Variants in PAK1 observed in about 807,000 individuals in gnomAD.
The protein encoded by PAK1 is p21 (RAC1) activated kinase 1, also known as serine/threonine-protein kinase PAK 1.
PAK1 carries 29 observed loss-of-function variants against 67.4 expected under a neutral mutation model. The ratio of observed to expected loss-of-function variants is 0.43; its 90% CI spans 0.32 to 0.59. The LOEUF (loss-of-function observed/expected upper bound fraction) is 0.59, where lower values mean the gene tolerates loss of function less well. PAK1 is among the 20% of genes least tolerant of loss of function. The pLI is 0.07. For missense variants in PAK1, 337 were observed against 670.7 expected (o/e 0.50, Z 5.50); for synonymous variants, 223 against 237.4 (o/e 0.94, Z 0.56).
chr11:77,501,005 G>A, the PAK1 span, among the ~76,000 whole-genome samples: 1 of 151,912 alleles, frequency 6.6e-6, no homozygotes, highest in African/African-American at 2.4e-5. Flanking sequence ...CGGGTAATTA[G>A]CCGGGCGTGG....
intron 1 of PAK1, among the ~76,000 whole-genome samples, chr11:77,442,746 T>C (rs1035988562): frequency 6.6e-5 from 10 of 152,294 alleles, no homozygotes; most frequent in South Asian, 2.1e-4. Context: ...CAACAATAGA[T>C]AACTAATACA....
At chr11:77,337,268 A>G (rs1372750681) in intron 12 of PAK1, 56 bp downstream of exon 12, 4 of 848,752 alleles carry the variant, frequency 4.7e-6, no homozygotes, top group Non-Finnish European at 5.8e-6. Flanking sequence ...ACCATCTCAC[A>G]GGAGACAGGG....
At chr11:77,384,854 C>A (rs1011312623) in intron 2 of PAK1, among the ~76,000 whole-genome samples, 3 of 151,806 alleles carry the variant, frequency 2.0e-5, no homozygotes, top group African/African-American at 7.3e-5. Context: ...CTAAAAACCA[C>A]GGAATTGTAC....
the PAK1 span, among the ~76,000 whole-genome samples, chr11:77,528,591 C>T: frequency 6.6e-6 from 1 of 152,168 alleles, no homozygotes; most frequent in Admixed American, 6.5e-5. Context: ...GCAATCCTCC[C>T]ACCTAGGCCT....
chr11:77,381,667 T>C (rs1367686445), intron 2 of PAK1, among the ~76,000 whole-genome samples: 3 of 152,226 alleles, frequency 2.0e-5, no homozygotes, highest in Non-Finnish European at 4.4e-5. Flanking sequence ...AAGATAGATA[T>C]TACTACCGTC....
intron 1 of PAK1, among the ~76,000 whole-genome samples, chr11:77,414,712 C>G (rs1264094931): frequency 6.6e-6 from 1 of 152,178 alleles, no homozygotes; most frequent in African/African-American, 2.4e-5. Flanking sequence ...AACCTAGACA[C>G]AGGCTTTATG....
In PAK1 at chr11:77,349,263, T is replaced by G. The variant is rs751346040; in HGVS notation, c.861A>C (p.Ala287=). The G allele has an allele frequency of 6.2e-7, 1 of 1,601,232 alleles. No individual in the cohort carries two copies. ...CCTCCTGTCCTGTGGCCACATCCAT[T>G]GCTGTGTACACGGTGCCTGAAGCAC... ...GQGASGTVYT[A]MDVATGQEVA... Residue 287 remains alanine (A), a synonymous_variant, in exon 9 of 15, where the codon GCA becomes GCC. Coordinates refer to ENST00000356341, the MANE Select transcript of PAK1 (RefSeq NM_002576.5).
At chr11:77,485,887 C>T in the PAK1 span, among the ~76,000 whole-genome samples, 3 of 152,274 alleles carry the variant, frequency 2.0e-5, no homozygotes, top group East Asian at 3.9e-4. Flanking sequence ...TCGGTAGTTC[C>T]GTCGATGGTT....
intron 14 of PAK1, among the ~76,000 whole-genome samples, chr11:77,331,705 C>T (rs1388581022): frequency 5.3e-5 from 8 of 151,152 alleles, no homozygotes. Flanking sequence ...TTAATGGGTA[C>T]AGCACACCAA....
chr11:77,373,562 TAAAA>T (rs34413403), intron 5 of PAK1, among the ~76,000 whole-genome samples: 12 of 120,776 alleles, frequency 9.9e-5, no homozygotes, highest in Non-Finnish European at 2.0e-4. Context: ...CTCGTCTCTT[TAAAA>T]AAAAAAAAAA....
intron 4 of PAK1, among the ~76,000 whole-genome samples, chr11:77,376,476 C>T (rs866932552): frequency 2.0e-5 from 3 of 152,142 alleles, no homozygotes; most frequent in Admixed American, 1.3e-4. Flanking sequence ...ACATGGCTCA[C>T]GCCTGTAATC....
intron 1 of PAK1, among the ~76,000 whole-genome samples, chr11:77,433,670 T>C (rs1483294800): frequency 6.6e-6 from 1 of 152,080 alleles, no homozygotes; most frequent in Non-Finnish European, 1.5e-5. Flanking sequence ...TCCCAGCTAC[T>C]GGAGAGGCTG....
chr11:77,439,489 A>G (rs1956265124), intron 1 of PAK1, among the ~76,000 whole-genome samples: 1 of 152,210 alleles, frequency 6.6e-6, no homozygotes, highest in Non-Finnish European at 1.5e-5. Flanking sequence ...TTGAAGAGAG[A>G]GTTCAAACAT....
At chr11:77,394,162 T>C (rs959250476) in intron 1 of PAK1, among the ~76,000 whole-genome samples, 2 of 152,226 alleles carry the variant, frequency 1.3e-5, no homozygotes, top group Admixed American at 1.3e-4. Context: ...GTAGAAATTA[T>C]ACATTTAACC....
chr11:77,508,251 G>A, the PAK1 span, among the ~76,000 whole-genome samples: 1 of 152,132 alleles, frequency 6.6e-6, no homozygotes, highest in Non-Finnish European at 1.5e-5. Context: ...GCTGCCTTGG[G>A]AATTACATGT....
the PAK1 span, among the ~76,000 whole-genome samples, chr11:77,513,133 T>C: frequency 6.6e-6 from 1 of 152,084 alleles, no homozygotes; most frequent in Admixed American, 6.6e-5. Context: ...GCTCTTTGAC[T>C]CTTTGACGTC....
At chr11:77,516,919 T>C in the PAK1 span, among the ~76,000 whole-genome samples, 1 of 151,368 alleles carries the variant, frequency 6.6e-6, no homozygotes, top group South Asian at 2.1e-4. Flanking sequence ...GACGGGAGGA[T>C]TGCTGGAGCT....
the PAK1 span, among the ~76,000 whole-genome samples, chr11:77,507,359 G>C: frequency 6.6e-6 from 1 of 152,090 alleles, no homozygotes; most frequent in African/African-American, 2.4e-5. Flanking sequence ...AACCAGCAAG[G>C]GGACACTCAG....
At position 77,472,783 on chromosome 11, in the gene PAK1, C is replaced by T. The variant is rs1209072977; in HGVS notation, c.-22+769G>A. ...ACCACGGAACTAACCCTTCCCTTCA[C>T]TGTTCACAGTTTTTGTAACAGTAGA... is the stretch of plus-strand genomic sequence containing the variant. On this transcript the variant is annotated intron_variant, in intron 1 of 14. Coordinates refer to ENST00000356341, the MANE Select transcript of PAK1 (RefSeq NM_002576.5). 3.9e-5 allele frequency among the ~76,000 whole-genome samples: 6 copies of T among 152,340 alleles called. No homozygotes were observed. The East Asian group carries it at 1.2e-3, about 29-fold the overall frequency.
Sources: gnomAD v4.1 joint callset for allele counts (sites outside exome capture counted in the v4.1 genomes callset) on GRCh38, gnomAD v4.1.1 for gene constraint, MANE v1.5 for transcripts, NCBI Gene and HGNC (gene_info 2026-07-23, HGNC 2026-07-21) for gene names.